Variants in STRC observed in about 807,000 individuals in gnomAD.
STRC encodes the protein stereocilin.
STRC carries 43 observed loss-of-function variants against 103.5 expected under a neutral mutation model. The ratio of observed to expected loss-of-function variants is 0.42; its 90% CI spans 0.33 to 0.54. The LOEUF (loss-of-function observed/expected upper bound fraction) is 0.54. Among genes scored for constraint, STRC ranks in the 20% least tolerant of loss-of-function variants. The pLI, the probability that STRC is intolerant of heterozygous loss-of-function variation, is 0.14. For synonymous variants in STRC, 186 were observed against 442.3 expected (o/e 0.42, Z 7.27); for missense variants, 499 against 1,088.5 (o/e 0.46, Z 7.62).
chr15:43,603,168 C>T, intron 23 of STRC, 74 bp downstream of exon 23: 10 of 1,524,692 alleles, frequency 6.6e-6, no homozygotes, highest in East Asian at 2.3e-5. Flanking sequence ...TCCAACTCTC[C>T]ATTCTCTTTG....
rs1441543850 is a variant in STRC at position 43,600,969 on chromosome 15, C to T, written c.4747G>A (p.Val1583Met). Residue 1583 changes from valine to methionine, a missense_variant, in exon 25 of 29, where the codon GTG becomes ATG. By Grantham distance (21) the Val-to-Met change is conservative. Transcript: ENST00000450892. ...SSFLRQSGRH[V>M]SHLDFVHLTA... ...AGATGAACGAAGTCCAGGTGGCTCA[C>T]ATGCCGACCACTCTGCCGTAGGAAA... 1.2e-6 allele frequency: 2 copies of T among 1,603,500 alleles called. No individual in the cohort carries two copies. Among genetic ancestry groups the T allele is most frequent in the African/African-American group, 2.8e-5 (2 of 70,844 alleles).
At chr15:43,603,942 G>C (rs912061190) in intron 22 of STRC, 54 bp downstream of exon 22, 2 of 1,610,528 alleles carry the variant, frequency 1.2e-6, no homozygotes, top group African/African-American at 2.7e-5. Flanking sequence ...AACCCAGACC[G>C]TTTGATACTC....
At chr15:43,611,026 G>GTGTGTCTGTGTGTGTGTC (rs1555447503) in intron 13 of STRC, 42 bp from the exon 14 acceptor site, 1 of 1,466,990 alleles carries the variant, frequency 6.8e-7, no homozygotes, top group African/African-American at 1.6e-5. Flanking sequence ...GTGTGTGTGT[G>GTGTGTCTGTGTGTGTGTC]TGTGTGTGTG....
rs2085661550 is a variant in STRC, at chr15:43,600,933, C to T, written c.4783G>A (p.Gly1595Ser). Residue 1595 changes from glycine (G) to serine (S), a missense_variant, in exon 25 of 29, where the codon GGT becomes AGT. Gly to Ser is a moderately conservative substitution (Grantham distance 56). Transcript: ENST00000450892. ...HLDFVHLTAL[G>S]YTLCGLRPEE... is the part of the protein sequence containing the mutation. ...GGCCGCAGTCCACAGAGAGTATAAC[C>T]CAGCGCTGTCAGATGAACGAAGTCC... The T allele has an allele frequency of 6.2e-7, 1 of 1,610,482 alleles. No individual in the cohort carries two copies. Among genetic ancestry groups the T allele is most frequent in the African/African-American group, 1.4e-5 (1 of 73,500 alleles).
At position 43,601,040 on chromosome 15, in the gene STRC, G is replaced by A. The variant is rs772681818; in HGVS notation, c.4702-26C>T. 1.7e-5 allele frequency: 25 copies of A among 1,437,240 alleles called. 1 individual carries two copies. Among genetic ancestry groups the A allele is most frequent in the Admixed American group, 3.5e-5 (2 of 57,468 alleles). 89.0% of individuals were successfully genotyped at this position (1,437,240 alleles called of 1,614,324 possible). The stretch of plus-strand genomic sequence containing the variant: ...CTGGGGTGGGGGGTGGGAGAAGAGG[G>A]GAAGGAGGAAAGTTATGGAGAATTA... On this transcript the variant is annotated intron_variant, in intron 24 of 28. Transcript: ENST00000450892.
intron 23 of STRC, among the ~76,000 whole-genome samples, chr15:43,601,976 C>G (rs1346333910): frequency 6.6e-6 from 1 of 151,424 alleles, no homozygotes; most frequent in Non-Finnish European, 1.5e-5. Context: ...AAAAATTAGC[C>G]AGGTGTGGTG....
At chr15:43,609,901 G>A in intron 15 of STRC, 1 of 224,930 alleles carries the variant, frequency 4.4e-6, no homozygotes. Context: ...GGGAGTGCCT[G>A]TAGTCCCAGC....
At chr15:43,602,566 C>G (rs896650157) in intron 23 of STRC, 7 of 153,846 alleles carry the variant, frequency 4.6e-5, no homozygotes, top group African/African-American at 1.5e-4. Flanking sequence ...CAGCACATAC[C>G]CCAAAAAATT....
At position 43,608,124 on chromosome 15, in the gene STRC, C is replaced by T; in HGVS notation, c.3637G>A (p.Val1213Met). ...INSMVDFLEVVHMIYQLPTRV... is the reference protein window; with the variant it reads ...INSMVDFLEVMHMIYQLPTRV... ...GTGGGCAGCTGATAGATCATGTGCACCACTTCAAGGAAGTCTACCATGGAG... is the reference window on the plus strand; with the variant it reads ...GTGGGCAGCTGATAGATCATGTGCATCACTTCAAGGAAGTCTACCATGGAG... Residue 1213 changes from valine (V) to methionine (M), a missense_variant, in exon 17 of 29, where the codon GTG (valine) becomes ATG (methionine). Val to Met is a conservative substitution (Grantham distance 21). Coordinates refer to ENST00000450892, the MANE Select transcript of STRC (RefSeq NM_153700.2). 6.2e-7 allele frequency: 1 copy of T among 1,608,480 alleles called. No homozygotes were observed. Among genetic ancestry groups the T allele is most frequent in the South Asian group, 1.1e-5 (1 of 90,948 alleles).
chr15:43,610,956 G>A lies in STRC; in HGVS notation c.3335C>T (p.Thr1112Ile). The change falls in exon 14 of 29, where the codon ACA (threonine) becomes ATA (isoleucine). Residue 1112 changes from threonine to isoleucine, a missense_variant. Coordinates refer to ENST00000450892, the MANE Select transcript of STRC (RefSeq NM_153700.2). ...RVKDGVKNMG[T>I]TGAGPAVCIP... Reference sequence around the variant, plus strand: ...ACACACAGCTGGACCAGCACCTGTTGTACCCATATTTTTAACACCATCTTT... The same window carrying A: ...ACACACAGCTGGACCAGCACCTGTTATACCCATATTTTTAACACCATCTTT... 1 of 1,611,710 alleles carries A rather than the reference G, an allele frequency of 6.2e-7. No individual in the cohort carries two copies. The highest frequency in any genetic ancestry group is 8.5e-7 in the Non-Finnish European group (1 of 1,178,600).
chr15:43,609,284 C>T lies in STRC; in HGVS notation c.3549G>A (p.Arg1183=). Residue 1183 remains arginine (R), a synonymous_variant, in exon 16 of 29, where the codon AGG becomes AGA. Coordinates refer to ENST00000450892, the MANE Select transcript of STRC (RefSeq NM_153700.2). ...CAACACAAGTTACTCACTGCAGATT[C>T]CTGAGGGTAAGGTTGGTGGGTACTT... ...KMQVPTNLTL[R]NLQALGTLAG... 1 of 1,610,544 alleles carries T rather than the reference C, an allele frequency of 6.2e-7. No individual in the cohort carries two copies. Among genetic ancestry groups the T allele is most frequent in the Non-Finnish European group, 8.5e-7 (1 of 1,179,460 alleles).
intron 23 of STRC, chr15:43,601,796 T>A (rs1285683147): frequency 2.0e-6 from 1 of 501,842 alleles, no homozygotes; most frequent in South Asian, 2.0e-5. Context: ...CACACTTTTA[T>A]GTGCATCAGA....
Position 43,605,351 on chromosome 15 carries a change from C to T in STRC, c.3843G>A (p.Val1281=), listed in dbSNP as rs769875657. Residue 1281 remains valine (V), a synonymous_variant, in exon 19 of 29, where the codon GTG becomes GTA. Coordinates refer to ENST00000450892, the MANE Select transcript of STRC (RefSeq NM_153700.2). ...GCTCTGGAGCTCTTTGCACCAGCTCCACCACCAACATAATGGATTCATTGG... is the reference window on the plus strand; with the variant it reads ...GCTCTGGAGCTCTTTGCACCAGCTCTACCACCAACATAATGGATTCATTGG... ...RLSNESIMLV[V]ELVQRAPEQL... is the part of the protein sequence containing the mutation. 14 of 1,595,838 alleles carry T rather than the reference C, an allele frequency of 8.8e-6. No homozygotes were observed. The East Asian group carries it at 3.1e-4, about 36-fold the overall frequency.
intron 18 of STRC, among the ~76,000 whole-genome samples, chr15:43,607,330 A>C (rs927696427): frequency 7.9e-6 from 1 of 126,456 alleles, no homozygotes. Context: ...GGAACTCACT[A>C]CCTTAGTTTT....
At position 43,601,483 on chromosome 15, in the gene STRC, T is replaced by C. The variant is rs757113023; in HGVS notation, c.4614A>G (p.Leu1538=). 35 of 1,613,766 alleles carry C rather than the reference T, an allele frequency of 2.2e-5. No homozygotes were observed. The highest frequency in any genetic ancestry group is 4.4e-5 in the South Asian group (4 of 91,068). The change falls in exon 24 of 29, where the codon CTA becomes CTG. Residue 1538 remains leucine, a synonymous_variant. Coordinates refer to ENST00000450892, the MANE Select transcript of STRC (RefSeq NM_153700.2). ...TCAGCTCCTGTAGTTCCCGATCTCC[T>C]AGACCTATTAAGAGCCTACCAAGCT... is the stretch of plus-strand genomic sequence containing the variant. ...ILQLGRLLIG[L]GDRELQELIL...
In STRC at chr15:43,618,668, ACAGCAGCAGCAGCAG is replaced by A; in HGVS notation, c.40_54del (p.Leu14_Leu18del). 2 of 34,238 alleles carry A rather than the reference ACAGCAGCAGCAGCAG, an allele frequency of 5.8e-5. No individual in the cohort carries two copies. Among genetic ancestry groups the A allele is most frequent in the South Asian group, 2.5e-4 (1 of 3,952 alleles). 2.1% of individuals were successfully genotyped at this position (34,238 alleles called of 1,614,324 possible). ...TCACTGTTCTTCTTACCTGCAAAGG[ACAGCAGCAGCAGCAG>A]CAGCAGCAGCAGCAGCAGGGGCCAG... On this transcript the variant is annotated inframe_deletion, in exon 1 of 29. Coordinates refer to ENST00000450892, the MANE Select transcript of STRC (RefSeq NM_153700.2).
In STRC at chr15:43,604,742, C is replaced by G. The variant is rs143345370; in HGVS notation, c.4035G>C (p.Leu1345=). The change falls in exon 20 of 29, where the codon CTG becomes CTC. Residue 1345 remains leucine, a synonymous_variant. Transcript: ENST00000450892. ...ESTRQIPLQI[L]LSHLSQLQGF... Reference sequence around the variant, plus strand: ...CTTGCAGCTGACTGAGATGGGACAGCAGGATCTGTAGGGGGATCTGTCGTG... The same window carrying G: ...CTTGCAGCTGACTGAGATGGGACAGGAGGATCTGTAGGGGGATCTGTCGTG... 5,041 of 1,613,584 alleles carry G rather than the reference C, an allele frequency of 3.1e-3. 201 individuals are homozygous for G. In the African/African-American group the frequency reaches 0.059, roughly 19 times the overall value.
rs2141518770 is a variant in STRC, at chr15:43,600,855, G to A, written c.4844+17C>T. ...CTTTACCTCAGCACCACCACCCTCA[G>A]CCCCTTCACAAATGACCTGAACTCC... is the stretch of plus-strand genomic sequence containing the variant. On this transcript the variant is annotated intron_variant, in intron 25 of 28. Coordinates refer to ENST00000450892, the MANE Select transcript of STRC (RefSeq NM_153700.2). 3 of 1,613,658 alleles carry A rather than the reference G, an allele frequency of 1.9e-6. No individual in the cohort carries two copies. The highest frequency in any genetic ancestry group is 4.5e-5 in the East Asian group (2 of 44,852).
rs1371758090 is a variant in STRC, at chr15:43,608,461, A to G, written c.3558-258T>C. Among the ~76,000 whole-genome samples, 2 of 143,016 alleles carry G rather than the reference A, an allele frequency of 1.4e-5. 1 individual carries two copies. The highest frequency in any genetic ancestry group is 3.1e-5 in the Non-Finnish European group (2 of 64,884). The allele number at this position is 143,016 out of a possible 152,430, so 93.8% of individuals were successfully genotyped here. ...AATGTGGTAAACTGAAACTAGAGCC[A>G]TGTCTTAGATTCTGAAGCCCTTGGG... On this transcript the variant is annotated intron_variant, in intron 16 of 28. Transcript: ENST00000450892.
Sources: gnomAD v4.1 joint callset for allele counts (sites outside exome capture counted in the v4.1 genomes callset) on GRCh38, gnomAD v4.1.1 for gene constraint, MANE v1.5 for transcripts, NCBI Gene and HGNC (gene_info 2026-07-23, HGNC 2026-07-21) for gene names.